CNTN1: variants seen among roughly 807,000 people sequenced by gnomAD.
CNTN1 encodes contactin-1.
In CNTN1, 38 loss-of-function variants were observed where a neutral mutation model predicts 126.4. The observed-to-expected ratio is 0.30, with a 90% CI of 0.23 to 0.39. The LOEUF (loss-of-function observed/expected upper bound fraction) is 0.39, where lower values mean the gene tolerates loss of function less well. Among genes scored for constraint, CNTN1 ranks in the 10% least tolerant of loss-of-function variants. The pLI is 1.00. For synonymous variants in CNTN1, 413 were observed against 422.6 expected, an observed-to-expected ratio of 0.98 and a Z score of 0.28; for missense variants, 1,009 against 1,248.4, an observed-to-expected ratio of 0.81 and a Z score of 2.89.
Position 40,918,738 on chromosome 12 carries a change from G to T in CNTN1, c.194G>T (p.Cys65Phe). The T allele has an allele frequency of 6.2e-7, 1 of 1,613,718 alleles. No individual in the cohort carries two copies. The highest frequency in any genetic ancestry group is 1.1e-5 in the South Asian group (1 of 91,078). Residue 65 changes from cysteine (C) to phenylalanine (F), a missense_variant, in exon 4 of 24, where the codon TGT becomes TTT. By Grantham distance (205) the Cys-to-Phe change is radical (BLOSUM62 -2). Coordinates refer to ENST00000551295, the MANE Select transcript of CNTN1 (RefSeq NM_001843.4). ...ESLEGKVSLN[C>F]RARASPFPVY... ...CTGGAAGGAAAAGTCTCACTCAACT[G>T]TAGGGCACGAGCCAGCCCTTTCCCG... is the stretch of plus-strand genomic sequence containing the variant.
intron 21 of CNTN1, among the ~76,000 whole-genome samples, chr12:41,026,400 A>C (rs1005858221): frequency 6.6e-6 from 1 of 152,242 alleles, no homozygotes; most frequent in Admixed American, 6.5e-5. Context: ...ATGAATAAAT[A>C]GACAAAAGTA....
intron 12 of CNTN1, among the ~76,000 whole-genome samples, chr12:40,940,406 T>C (rs1946227170): frequency 6.6e-6 from 1 of 152,124 alleles, no homozygotes; most frequent in Non-Finnish European, 1.5e-5. Flanking sequence ...CTAAGAGTAA[T>C]ATAAATCTGT....
At chr12:40,785,990 C>T (rs575016349) in intron 1 of CNTN1, among the ~76,000 whole-genome samples, 2 of 152,268 alleles carry the variant, frequency 1.3e-5, no homozygotes, top group South Asian at 4.1e-4. Context: ...GGGACAAACA[C>T]CCAAACTACA....
At chr12:40,958,367 G>GTGTGTGTGTATGTA (rs1946971954) in intron 14 of CNTN1, among the ~76,000 whole-genome samples, 1 of 150,530 alleles carries the variant, frequency 6.6e-6, no homozygotes, top group Non-Finnish European at 1.5e-5. Context: ...GTGTGTGTGT[G>GTGTGTGTGTATGTA]TGTGTGTGTG....
intron 1 of CNTN1, among the ~76,000 whole-genome samples, chr12:40,892,036 C>T (rs917076981): frequency 1.3e-5 from 2 of 152,048 alleles, no homozygotes; most frequent in African/African-American, 4.8e-5. Context: ...TTGTGTTTTA[C>T]CTAAATATTT....
chr12:40,965,998 C>CACACA (rs1947293934), intron 15 of CNTN1, among the ~76,000 whole-genome samples: 1 of 136,200 alleles, frequency 7.3e-6, no homozygotes, highest in African/African-American at 2.9e-5. Context: ...CCTCATCACA[C>CACACA]CACACACACA....
intron 1 of CNTN1, among the ~76,000 whole-genome samples, chr12:40,791,505 A>C (rs1021278660): frequency 2.6e-5 from 4 of 152,146 alleles, no homozygotes; most frequent in African/African-American, 9.7e-5. Context: ...ATGTTGATTC[A>C]GTTATCAGAC....
At chr12:40,919,360 A>C (rs1381057245) in intron 4 of CNTN1, among the ~76,000 whole-genome samples, 1 of 152,178 alleles carries the variant, frequency 6.6e-6, no homozygotes, top group East Asian at 1.9e-4. Context: ...ACTTTATAAA[A>C]AGCAACAATG....
Position 40,984,255 on chromosome 12 carries a change from A to G in CNTN1, c.1963+3188A>G, listed in dbSNP as rs76128193. On this transcript the variant is annotated intron_variant, in intron 16 of 23. Coordinates refer to ENST00000551295, the MANE Select transcript of CNTN1 (RefSeq NM_001843.4). The stretch of plus-strand genomic sequence containing the variant: ...ATTTGTCTGTTATATTATCCTTTAT[A>G]TTTACTACTTCTAATCCTCCTCACT... 3.3e-3 allele frequency among the ~76,000 whole-genome samples: 505 copies of G among 152,092 alleles called. 2 individuals carry two copies. Among genetic ancestry groups the G allele is most frequent in the African/African-American group, 8.1e-3 (336 of 41,504 alleles).
intron 1 of CNTN1, among the ~76,000 whole-genome samples, chr12:40,842,898 T>C (rs140521473): frequency 6.6e-6 from 1 of 152,156 alleles, no homozygotes; most frequent in South Asian, 2.1e-4. Context: ...GTCGATCTTG[T>C]TTTTTAATGA....
intron 23 of CNTN1, among the ~76,000 whole-genome samples, chr12:41,062,460 T>G: frequency 6.6e-6 from 1 of 152,204 alleles, no homozygotes; most frequent in Non-Finnish European, 1.5e-5. Flanking sequence ...CTCTAGTCTA[T>G]ACTTGCATTG....
At chr12:40,720,454 G>A (rs979440763) in intron 1 of CNTN1, among the ~76,000 whole-genome samples, 4 of 151,840 alleles carry the variant, frequency 2.6e-5, no homozygotes, top group African/African-American at 9.7e-5. Flanking sequence ...GAGTCATGCA[G>A]TACAACCAGT....
rs1201149636 is a variant in CNTN1 at position 40,925,844 on chromosome 12, GTATA to G, written c.496+1212_496+1215del. Among the ~76,000 whole-genome samples the G allele has an allele frequency of 3.0e-3, 114 of 38,324 alleles. 1 individual carries two copies. The highest frequency in any genetic ancestry group is 9.0e-3 in the African/African-American group (80 of 8,936). The allele number at this position is 38,324 out of a possible 152,430, so 25.1% of individuals were successfully genotyped here. A position where few individuals can be genotyped will look rare whatever the true frequency, so the allele number is the denominator to read the frequency against. On this transcript the variant is annotated intron_variant, in intron 6 of 23. Transcript: ENST00000551295. The stretch of plus-strand genomic sequence containing the variant: ...TATATATATATGTATGTGTGTGTGT[GTATA>G]TATATATATATATATATATGTATAT...
intron 1 of CNTN1, among the ~76,000 whole-genome samples, chr12:40,852,243 C>G (rs1032178556): frequency 6.6e-6 from 1 of 152,102 alleles, no homozygotes; most frequent in Non-Finnish European, 1.5e-5. Flanking sequence ...CTGTCAGACC[C>G]GATCAAATTA....
intron 23 of CNTN1, among the ~76,000 whole-genome samples, chr12:41,054,043 G>A (rs1949748123): frequency 6.6e-6 from 1 of 151,632 alleles, no homozygotes; most frequent in South Asian, 2.1e-4. Flanking sequence ...GAATTTTAGA[G>A]GCTAATTCCC....
Position 41,016,667 on chromosome 12 carries a change from T to C in CNTN1, c.2185-15T>C. The C allele has an allele frequency of 6.4e-7, 1 of 1,555,960 alleles. No individual in the cohort carries two copies. The highest frequency in any genetic ancestry group is 1.4e-5 in the African/African-American group (1 of 73,886). ...GTATTACTAAAACCTACTCAATCTT[T>C]TAATTTCTATTTAGCCTTTGTCAAG... On this transcript the variant is annotated splice_polypyrimidine_tract_variant and intron_variant, in intron 18 of 23. Transcript: ENST00000551295.
At position 40,908,343 on chromosome 12, in the gene CNTN1, C is replaced by G. The variant is rs1157163997; in HGVS notation, c.-76-14C>G. On this transcript the variant is annotated splice_polypyrimidine_tract_variant and intron_variant, in intron 1 of 23. Transcript: ENST00000551295. ...CTAATTCTTTCCTTCTTCTTCTTTTCTTTCTTGATGCAGGTGTTTAAAATT... is the reference window on the plus strand; with the variant it reads ...CTAATTCTTTCCTTCTTCTTCTTTTGTTTCTTGATGCAGGTGTTTAAAATT... 1.1e-6 allele frequency: 1 copy of G among 880,910 alleles called. No individual in the cohort carries two copies. Among genetic ancestry groups the G allele is most frequent in the Non-Finnish European group, 1.9e-6 (1 of 538,416 alleles). 54.6% of individuals were successfully genotyped at this position (880,910 alleles called of 1,614,324 possible).
intron 23 of CNTN1, among the ~76,000 whole-genome samples, chr12:41,036,014 G>A (rs1436171833): frequency 6.6e-6 from 1 of 152,078 alleles, no homozygotes; most frequent in Non-Finnish European, 1.5e-5. Context: ...ATTGGAGTGA[G>A]ACAAGAGGGG....
intron 1 of CNTN1, among the ~76,000 whole-genome samples, chr12:40,825,762 G>A (rs1380120484): frequency 6.6e-6 from 1 of 151,354 alleles, no homozygotes; most frequent in Admixed American, 6.6e-5. Context: ...TCTCCACAGT[G>A]TCCCTTGTGC....
Sources: gnomAD v4.1 joint callset for allele counts (sites outside exome capture counted in the v4.1 genomes callset) on GRCh38, gnomAD v4.1.1 for gene constraint, MANE v1.5 for transcripts, NCBI Gene and HGNC (gene_info 2026-07-23, HGNC 2026-07-21) for gene names.